The following CFAP299 variants were observed in gnomAD, a reference collection of about 807,000 sequenced individuals.
CFAP299 encodes the protein cilia- and flagella-associated protein 299.
A neutral mutation model predicts 27.0 loss-of-function variants in CFAP299; 21 were observed. The observed-to-expected ratio is 0.78, with a 90% CI of 0.55 to 1.12. CFAP299 has a LOEUF of 1.12. Ranked by LOEUF, CFAP299 falls within the 50% of genes most tolerant of loss-of-function variation. The pLI, the probability that CFAP299 is intolerant of heterozygous loss-of-function variation, is 0.00. For synonymous variants in CFAP299, 104 were observed against 98.1 expected (o/e 1.06, Z -0.36); for missense variants, 310 against 276.6 (o/e 1.12, Z -0.86).
chr4:80,593,136 G>T (rs768752733), intron 3 of CFAP299, among the ~76,000 whole-genome samples: 1 of 152,110 alleles, frequency 6.6e-6, no homozygotes, highest in Non-Finnish European at 1.5e-5. Context: ...ATATTGGCAG[G>T]TGCTATTCTT....
chr4:80,338,908 C>T (rs1212355019), intron 1 of CFAP299, among the ~76,000 whole-genome samples: 2 of 152,184 alleles, frequency 1.3e-5, no homozygotes, highest in African/African-American at 2.4e-5. Context: ...GATTGACATA[C>T]AAATAATCAT....
chr4:80,940,889 C>T (rs945921169), intron 4 of CFAP299, among the ~76,000 whole-genome samples: 4 of 152,074 alleles, frequency 2.6e-5, no homozygotes, highest in African/African-American at 9.7e-5. Context: ...TAAATATAAG[C>T]ACACAGATAG....
chr4:80,334,386 T>C (rs1163156391), upstream of CFAP299, among the ~76,000 whole-genome samples: 2 of 152,200 alleles, frequency 1.3e-5, no homozygotes, highest in African/African-American at 4.8e-5. Flanking sequence ...AGGAGGATTC[T>C]TCTGCCTCAG....
At chr4:80,378,833 A>G (rs898391133) in intron 2 of CFAP299, among the ~76,000 whole-genome samples, 3 of 152,084 alleles carry the variant, frequency 2.0e-5, no homozygotes, top group African/African-American at 7.2e-5. Context: ...GAATTTTTAC[A>G]TCCACTTAAT....
Position 80,786,655 on chromosome 4 carries a change from A to G in CFAP299, c.334-83338A>G, listed in dbSNP as rs916823847. On this transcript the variant is annotated intron_variant, in intron 3 of 5. Transcript: ENST00000358105. Reference sequence around the variant, plus strand: ...TGTAGCAGGCTTGCAAATATATGATACATTTTGACAGCTGTTTTTTACTGG... The same window carrying G: ...TGTAGCAGGCTTGCAAATATATGATGCATTTTGACAGCTGTTTTTTACTGG... Among the ~76,000 whole-genome samples the G allele has an allele frequency of 5.1e-4, 78 of 152,102 alleles. 3 individuals are homozygous for G.
At chr4:80,591,202 C>T (rs1736762378) in intron 3 of CFAP299, among the ~76,000 whole-genome samples, 1 of 140,970 alleles carries the variant, frequency 7.1e-6, no homozygotes, top group Non-Finnish European at 1.5e-5. Context: ...AGGCTCACTG[C>T]AAGCTCCGCC....
intron 1 of CFAP299, among the ~76,000 whole-genome samples, chr4:80,349,411 T>C (rs1722913905): frequency 6.6e-6 from 1 of 152,228 alleles, no homozygotes; most frequent in Admixed American, 6.5e-5. Context: ...AATATATTTA[T>C]GTCTGACTTG....
At chr4:80,925,357 A>C (rs1238870177) in intron 4 of CFAP299, among the ~76,000 whole-genome samples, 1 of 152,000 alleles carries the variant, frequency 6.6e-6, no homozygotes, top group Non-Finnish European at 1.5e-5. Flanking sequence ...TGGATTTTTA[A>C]ATGCAACATG....
chr4:80,503,383 C>T (rs1410436785), intron 2 of CFAP299, among the ~76,000 whole-genome samples: 1 of 151,964 alleles, frequency 6.6e-6, no homozygotes, highest in Non-Finnish European at 1.5e-5. Context: ...CATCTCTTAC[C>T]CAATATCCAA....
chr4:80,859,090 G>A lies in CFAP299; in HGVS notation c.334-10903G>A, dbSNP rs573912157. ...CAGGAGTTGCTTTGTGAATCTGGGT[G>A]CTCCTGTATTGGGTGCATATATATT... On this transcript the variant is annotated intron_variant, in intron 3 of 5. Transcript: ENST00000358105. 9.2e-5 allele frequency among the ~76,000 whole-genome samples: 14 copies of A among 152,246 alleles called. No individual in the cohort carries two copies. In the South Asian group the frequency reaches 2.5e-3, roughly 27 times the overall value.
At chr4:80,889,150 C>A (rs981229118) in intron 4 of CFAP299, among the ~76,000 whole-genome samples, 2 of 149,650 alleles carry the variant, frequency 1.3e-5, no homozygotes, top group Non-Finnish European at 3.0e-5. Context: ...CAAAAATAAA[C>A]GAATTTGAAA....
At chr4:80,336,753 G>A (rs1458026) in intron 1 of CFAP299, 4,750 of 152,368 alleles carry the variant, frequency 0.031, 254 homozygotes, top group East Asian at 0.25. Flanking sequence ...CTCACCTGGA[G>A]AGTCGGCCGT....
intron 2 of CFAP299, among the ~76,000 whole-genome samples, chr4:80,520,344 G>C (rs897063298): frequency 2.6e-5 from 4 of 152,166 alleles, no homozygotes; most frequent in African/African-American, 9.7e-5. Context: ...CAATATCTTA[G>C]AGTTAACTGG....
intron 3 of CFAP299, among the ~76,000 whole-genome samples, chr4:80,802,542 C>G (rs555880673): frequency 1.3e-5 from 2 of 152,054 alleles, no homozygotes; most frequent in Admixed American, 1.3e-4. Flanking sequence ...TAGAAGCTCC[C>G]AAATACACTC....
chr4:80,355,735 G>GC (rs1723242855), intron 1 of CFAP299, among the ~76,000 whole-genome samples: 2 of 152,158 alleles, frequency 1.3e-5, no homozygotes, highest in South Asian at 4.2e-4. Flanking sequence ...CTCCTATTCT[G>GC]CTTAGGCTGT....
At chr4:80,713,449 A>G (rs1385063913) in intron 3 of CFAP299, among the ~76,000 whole-genome samples, 2 of 152,230 alleles carry the variant, frequency 1.3e-5, no homozygotes, top group African/African-American at 2.4e-5. Flanking sequence ...TATTCCATAG[A>G]AAATAAATTG....
At chr4:80,791,237 T>C (rs1727548681) in intron 3 of CFAP299, among the ~76,000 whole-genome samples, 1 of 151,964 alleles carries the variant, frequency 6.6e-6, no homozygotes, top group South Asian at 2.1e-4. Flanking sequence ...CTATTATGGA[T>C]AGGAAGTTCA....
chr4:80,632,175 T>C (rs566789165), intron 3 of CFAP299, among the ~76,000 whole-genome samples: 1 of 152,112 alleles, frequency 6.6e-6, no homozygotes, highest in South Asian at 2.1e-4. Flanking sequence ...CCTAAATGGA[T>C]TAGGGCAACA....
rs1262175271 is a variant in CFAP299, at chr4:80,800,386, A to T, written c.334-69607A>T. 1.2e-4 allele frequency among the ~76,000 whole-genome samples: 7 copies of T among 58,388 alleles called. No individual in the cohort carries two copies. In the East Asian group the frequency reaches 2.7e-3, roughly 23 times the overall value. 38.3% of individuals were successfully genotyped at this position (58,388 alleles called of 152,430 possible). On this transcript the variant is annotated intron_variant, in intron 3 of 5. Transcript: ENST00000358105. ...ATTAATATAATATATATAATATATA[A>T]TATATTAATATAATATATATTGATA...
Sources: allele counts gnomAD v4.1 joint callset (sites outside exome capture counted in the v4.1 genomes callset), GRCh38; gene constraint gnomAD v4.1.1; transcripts MANE v1.5; gene names NCBI Gene and HGNC (gene_info 2026-07-23, HGNC 2026-07-21).